Variants in AURKC observed in about 807,000 individuals in gnomAD.
The protein encoded by AURKC is ARK-3.
AURKC carries 15 observed loss-of-function variants against 29.2 expected under a neutral mutation model. That is an observed-to-expected ratio of 0.51 (90% CI 0.34 to 0.79). The LOEUF is 0.79. Among genes scored for constraint, AURKC ranks in the 30% least tolerant of loss-of-function variants. The pLI is 0.01. For missense variants in AURKC, 332 were observed against 383.2 expected, an observed-to-expected ratio of 0.87 and a Z score of 1.12; for synonymous variants, 150 against 149.9, an observed-to-expected ratio of 1.00 and a Z score of -0.01.
chr19:57,235,300 C>G lies in AURKC; in HGVS notation c.813C>G (p.Ser271=). Residue 271 remains serine (S), a synonymous_variant, in exon 7 of 7, where the codon TCC becomes TCG. Transcript: ENST00000302804. ...SMPLGARDLI[S]RLLRYQPLER... ...CTCTGGGGGCCCGGGACTTGATTTC[C>G]AGGCTTCTCAGATACCAGCCCTTGG... 1 of 1,614,156 alleles carries G rather than the reference C, an allele frequency of 6.2e-7. No homozygotes were observed. The highest frequency in any genetic ancestry group is 8.5e-7 in the Non-Finnish European group (1 of 1,180,038).
rs2087514844 is a variant in AURKC, at chr19:57,233,505, A to G, written c.481A>G (p.Lys161Glu). The G allele has an allele frequency of 4.3e-6, 7 of 1,614,082 alleles. No homozygotes were observed. The highest frequency in any genetic ancestry group is 1.3e-5 in the African/African-American group (1 of 74,912). Residue 161 changes from lysine (K) to glutamate (E), a missense_variant, in exon 5 of 7, where the codon AAA becomes GAA. By Grantham distance (56) the Lys-to-Glu change is moderately conservative. Transcript: ENST00000302804. Reference protein sequence around the residue: ...ADALTYCHDKKVIHRDIKPEN... With the variant: ...ADALTYCHDKEVIHRDIKPEN... ...TGCCCTGACCTACTGCCATGACAAG[A>G]AAGTGATTCACAGAGATATTAAGCC...
chr19:57,232,627 C>G lies in AURKC; in HGVS notation c.382C>G (p.Leu128Val). The part of the protein sequence containing the change: ...LILEYAPRGE[L>V]YKELQKSEKL... The stretch of plus-strand genomic sequence containing the variant: ...TCTGGAATATGCTCCAAGGGGTGAG[C>G]TCTACAAGGAGCTGCAGAAAAGCGA... Residue 128 changes from leucine (L) to valine (V), a missense_variant, in exon 4 of 7, where the codon CTC becomes GTC. By Grantham distance (32) the Leu-to-Val change is conservative (BLOSUM62 1). Transcript: ENST00000302804. This position sits in a 1 kb window ranked among gnomAD's most constrained non-coding sequence, Gnocchi z 4.5. 6.2e-7 allele frequency: 1 copy of G among 1,614,126 alleles called. No homozygotes were observed. Among genetic ancestry groups the G allele is most frequent in the Non-Finnish European group, 8.5e-7 (1 of 1,180,028 alleles).
intron 2 of AURKC, 28 bp downstream of exon 2, chr19:57,231,815 AAAGG>A (rs761912084): frequency 1.4e-5 from 22 of 1,613,926 alleles, no homozygotes; most frequent in Non-Finnish European, 1.8e-5. Context: ...GGTATCTGGA[AAAGG>A]AAGGAAGGTG....
In AURKC at chr19:57,233,624, G is replaced by A. The variant is rs1275070459; in HGVS notation, c.584+16G>A. 12 of 1,613,320 alleles carry A rather than the reference G, an allele frequency of 7.4e-6. No individual in the cohort carries two copies. The highest frequency in any genetic ancestry group is 1.9e-4 in the Middle Eastern group (1 of 5,388). On this transcript the variant is annotated intron_variant, in intron 5 of 6. Transcript: ENST00000302804. ...CCTCCCTGAGGTAGGTCAGGTGGTGGTGGTAGGGTGAGTTCTGAGTACCAG... is the reference window on the plus strand; with the variant it reads ...CCTCCCTGAGGTAGGTCAGGTGGTGATGGTAGGGTGAGTTCTGAGTACCAG...
rs766389749 is a variant in AURKC, at chr19:57,233,587, C to T, written c.563C>T (p.Ser188Phe). The T allele has an allele frequency of 6.2e-7, 1 of 1,613,916 alleles. No homozygotes were observed. The highest frequency in any genetic ancestry group is 1.1e-5 in the South Asian group (1 of 91,068). The change falls in exon 5 of 7, where the codon TCT becomes TTT. Residue 188 changes from serine to phenylalanine, a missense_variant. Ser to Phe is a radical substitution (Grantham distance 155). Transcript: ENST00000302804. Reference protein sequence around the residue: ...GEVKIADFGWSVHTPSLRRKT... With the variant: ...GEVKIADFGWFVHTPSLRRKT... ...GTGAAGATTGCAGATTTTGGCTGGT[C>T]TGTGCACACCCCCTCCCTGAGGTAG...
At position 57,231,293 on chromosome 19, in the gene AURKC, T is replaced by C. The variant is rs1319512332; in HGVS notation, c.45T>C (p.Pro15=). ...RAVVQLGKAQ[P]AGEELATANQ... ...TGGTGCAGCTGGGCAAAGCTCAACC[T>C]GCAGGCGAAGAGTGTGAGAGCCAGC... Residue 15 remains proline (P), a synonymous_variant, in exon 1 of 7, where the codon CCT becomes CCC. Coordinates refer to ENST00000302804, the MANE Select transcript of AURKC (RefSeq NM_001015878.2). 1.9e-6 allele frequency: 3 copies of C among 1,553,154 alleles called. No individual in the cohort carries two copies. In the Admixed American group the frequency reaches 5.8e-5, roughly 30 times the overall value.
At chr19:57,234,512 T>C (rs777541165) in intron 5 of AURKC, among the ~76,000 whole-genome samples, 7 of 152,074 alleles carry the variant, frequency 4.6e-5, no homozygotes, top group Non-Finnish European at 8.8e-5. Flanking sequence ...TCCAAAGGAG[T>C]GCATTTTTCT....
At chr19:57,234,174 C>T (rs559523815) in intron 5 of AURKC, among the ~76,000 whole-genome samples, 37 of 151,410 alleles carry the variant, frequency 2.4e-4, no homozygotes, top group Admixed American at 5.3e-4. Flanking sequence ...TCTCCTGCCT[C>T]AGCCTCCCAA....
intron 4 of AURKC, 50 bp from the exon 5 acceptor site, chr19:57,233,410 G>C: frequency 6.2e-7 from 1 of 1,613,854 alleles, no homozygotes; most frequent in Non-Finnish European, 8.5e-7. Flanking sequence ...ACCTCAGACG[G>C]AAATTGTGGC....
At chr19:57,235,132 C>T in intron 6 of AURKC, 74 bp downstream of exon 6, 1 of 1,610,472 alleles carries the variant, frequency 6.2e-7, no homozygotes, top group Admixed American at 1.7e-5. Flanking sequence ...CACACACACA[C>T]ACAGGGTTGT....
At chr19:57,235,172 A>G in intron 6 of AURKC, 75 bp from the exon 7 acceptor site, 1 of 1,611,362 alleles carries the variant, frequency 6.2e-7, no homozygotes, top group South Asian at 1.1e-5. Context: ...CGCCTTAACA[A>G]GGCTCAAAGA....
chr19:57,234,053 CTT>C (rs10586926), intron 5 of AURKC, among the ~76,000 whole-genome samples: 25,087 of 112,024 alleles, frequency 0.22, 2,145 homozygotes, highest in African/African-American at 0.29. Flanking sequence ...TTTTTCTTTT[CTT>C]TTTTTTTTTT....
intron 1 of AURKC, 68 bp downstream of exon 1, chr19:57,231,374 A>T: frequency 6.6e-7 from 1 of 1,521,098 alleles, no homozygotes; most frequent in Non-Finnish European, 8.9e-7. Flanking sequence ...GGGTGCACAG[A>T]AGACACATGT....
Position 57,234,944 on chromosome 19 carries a change from A to G in AURKC, c.645A>G (p.Thr215=), listed in dbSNP as rs746386907. ...YLPPEMIEGR[T]YDEKVDLWCI... ...CGCCAGAAATGATTGAGGGGAGAAC[A>G]TATGATGAAAAGGTGGATTTGTGGT... Residue 215 remains threonine (T), a synonymous_variant, in exon 6 of 7, where the codon ACA becomes ACG. Transcript: ENST00000302804. 32 of 1,614,068 alleles carry G rather than the reference A, an allele frequency of 2.0e-5. No individual in the cohort carries two copies. The East Asian group carries it at 6.0e-4, about 30-fold the overall frequency.
At position 57,232,934 on chromosome 19, in the gene AURKC, T is replaced by G. The variant is rs534917274; in HGVS notation, c.435+254T>G. 1.3e-5 allele frequency among the ~76,000 whole-genome samples: 2 copies of G among 152,342 alleles called. No individual in the cohort carries two copies. The highest frequency in any genetic ancestry group is 1.3e-4 in the Admixed American group (2 of 15,300). The stretch of plus-strand genomic sequence containing the variant: ...GATTCTTTGGTTATAAGCAACAGAA[T>G]CTAACTCCACTGCCTTATGTAAAGA... On this transcript the variant is annotated intron_variant, in intron 4 of 6. Transcript: ENST00000302804. This position sits in a 1 kb window ranked among gnomAD's most constrained non-coding sequence, Gnocchi z 4.5.
chr19:57,231,150 C>CT lies in AURKC; in HGVS notation c.-99_-98insT. The stretch of plus-strand genomic sequence containing the variant: ...AGGACGAGCAGGATTGGAAGCGCCC[C>CT]GGCCAGAAAGTGACCCCCCACCCCT... On this transcript the variant is annotated 5_prime_UTR_variant, in exon 1 of 7. Transcript: ENST00000302804. 3 of 1,531,088 alleles carry CT rather than the reference C, an allele frequency of 2.0e-6. No homozygotes were observed. The highest frequency in any genetic ancestry group is 1.2e-5 in the South Asian group (1 of 83,236). The allele number at this position is 1,531,088 out of a possible 1,614,324, so 94.8% of individuals were successfully genotyped here.
chr19:57,233,309 C>T, intron 4 of AURKC, 151 bp from the exon 5 acceptor site: 1 of 1,132,106 alleles, frequency 8.8e-7, no homozygotes. Context: ...ACACCCCACA[C>T]ACCAGTAACT....
intron 1 of AURKC, 62 bp downstream of exon 1, chr19:57,231,368 GCACAGAAGAC>G (rs2122799948): frequency 6.5e-7 from 1 of 1,534,050 alleles, no homozygotes; most frequent in African/African-American, 1.4e-5. Flanking sequence ...GGGGTCGGGT[GCACAGAAGAC>G]ACATGTGTTG....
chr19:57,233,693 A>G (rs1042008372), intron 5 of AURKC, 85 bp downstream of exon 5: 12 of 1,577,008 alleles, frequency 7.6e-6, no homozygotes, highest in Middle Eastern at 2.3e-4. Flanking sequence ...TCCATGTGTA[A>G]AACCTAGATA....
Sources: allele counts gnomAD v4.1 joint callset (sites outside exome capture counted in the v4.1 genomes callset), GRCh38; gene constraint gnomAD v4.1.1; non-coding constraint Gnocchi (gnomAD v3.1); transcripts MANE v1.5; gene names NCBI Gene and HGNC (gene_info 2026-07-23, HGNC 2026-07-21).